The following RBL2 variants were observed in gnomAD, a reference collection of about 807,000 sequenced individuals.
RBL2 encodes the protein RB transcriptional corepressor like 2, also known as retinoblastoma-like protein 2.
In RBL2, 56 loss-of-function variants were observed where a neutral mutation model predicts 126.0. The observed-to-expected ratio is 0.44, with a 90% CI of 0.36 to 0.56. The LOEUF is 0.56. Among genes scored for constraint, RBL2 ranks in the 20% least tolerant of loss-of-function variants. The pLI, the probability that RBL2 is intolerant of heterozygous loss-of-function variation, is 0.00. For synonymous variants in RBL2, 454 were observed against 478.5 expected, an observed-to-expected ratio of 0.95 and a Z score of 0.67; for missense variants, 1,229 against 1,398.2, an observed-to-expected ratio of 0.88 and a Z score of 1.93.
At chr16:53,451,584 G>C in intron 4 of RBL2, 119 bp from the exon 5 acceptor site, 2 of 1,109,684 alleles carry the variant, frequency 1.8e-6, no homozygotes, top group Non-Finnish European at 2.6e-6. Context: ...AACACTTATT[G>C]TAATGAGTCA....
chr16:53,470,564 G>C lies in RBL2; in HGVS notation c.2427G>C (p.Gln809His). ...LQVPGQVAIQ[Q>H]ISPGGQQQKQ... ...TCCCTGGTCAAGTGGCCATTCAACAGATTTCCCCAGGTGGCCAACAGCAGA... is the reference window on the plus strand; with the variant it reads ...TCCCTGGTCAAGTGGCCATTCAACACATTTCCCCAGGTGGCCAACAGCAGA... The change falls in exon 16 of 22, where the codon CAG becomes CAC. Residue 809 changes from glutamine (Q) to histidine (H), a missense_variant. Coordinates refer to ENST00000262133, the MANE Select transcript of RBL2 (RefSeq NM_005611.4). 1.2e-6 allele frequency: 2 copies of C among 1,614,180 alleles called. No homozygotes were observed. Among genetic ancestry groups the C allele is most frequent in the Non-Finnish European group, 1.7e-6 (2 of 1,180,040 alleles).
At chr16:53,441,178 T>C (rs763483783) in intron 2 of RBL2, among the ~76,000 whole-genome samples, 17 of 152,204 alleles carry the variant, frequency 1.1e-4, no homozygotes, top group Non-Finnish European at 2.1e-4. Context: ...CAGGCTAGTC[T>C]CGAACTCCTG....
chr16:53,481,528 CTTTAG>C, intron 20 of RBL2, 138 bp from the exon 21 acceptor site: 3 of 741,700 alleles, frequency 4.0e-6, no homozygotes. Flanking sequence ...GAATATTTTT[CTTTAG>C]GTTAAGTTAT....
At chr16:53,486,465 T>C in intron 21 of RBL2, among the ~76,000 whole-genome samples, 1 of 152,346 alleles carries the variant, frequency 6.6e-6, no homozygotes, top group African/African-American at 2.4e-5. Context: ...TAGGCCCAGA[T>C]GGCTTCATTG....
chr16:53,462,601 A>G lies in RBL2; in HGVS notation c.1506A>G (p.Val502=), dbSNP rs2058232930. The G allele has an allele frequency of 6.4e-7, 1 of 1,573,336 alleles. No individual in the cohort carries two copies. The highest frequency in any genetic ancestry group is 8.6e-7 in the Non-Finnish European group (1 of 1,167,686). ...FRFAEMLYYK[V]LESVIEQEQK... is the part of the protein sequence containing the mutation. ...TTGCGGAGATGCTTTACTATAAAGT[A>G]TTAGAATCTGTTATTGAGCAGGAAC... The change falls in exon 11 of 22, where the codon GTA becomes GTG. Residue 502 remains valine (V), a synonymous_variant. Coordinates refer to ENST00000262133, the MANE Select transcript of RBL2 (RefSeq NM_005611.4).
intron 14 of RBL2, among the ~76,000 whole-genome samples, chr16:53,468,554 G>A (rs2058291840): frequency 6.6e-6 from 1 of 151,946 alleles, no homozygotes; most frequent in African/African-American, 2.4e-5. Flanking sequence ...CATTTTCTTT[G>A]TACTTACCAC....
rs1481596995 is a variant in RBL2, at chr16:53,451,787, T to C, written c.722T>C (p.Leu241Pro). 2 of 1,613,806 alleles carry C rather than the reference T, an allele frequency of 1.2e-6. No individual in the cohort carries two copies. The highest frequency in any genetic ancestry group is 1.7e-6 in the Non-Finnish European group (2 of 1,179,764). ...CALDLVYGNA[L>P]QCSNRKELVN... is the part of the protein sequence containing the mutation. ...TTGGACTTAGTTTATGGAAATGCAC[T>C]TCAGTGTTCTAATCGTAAAGAACTT... is the stretch of plus-strand genomic sequence containing the variant. The change falls in exon 5 of 22, where the codon CTT becomes CCT. Residue 241 changes from leucine (L) to proline (P), a missense_variant. Around this residue, in one of 2 missense-constraint regions of RBL2, gnomAD observed 1,070 missense variants for 1,274.3 expected, o/e 0.84. Transcript: ENST00000262133.
chr16:53,469,920 A>G lies in RBL2; in HGVS notation c.1980A>G (p.Ile660Met). 1 of 1,556,286 alleles carries G rather than the reference A, an allele frequency of 6.4e-7. No homozygotes were observed. The highest frequency in any genetic ancestry group is 8.7e-7 in the Non-Finnish European group (1 of 1,146,190). ...TTTGATTTGTTTTGACCCTAGGCAT[A>G]ACATCTCCAACCACATTATACGATA... ...RADTGGLGRSITSPTTLYDRY... is the reference protein window; with the variant it reads ...RADTGGLGRSMTSPTTLYDRY... Residue 660 changes from isoleucine to methionine, a missense_variant, in exon 15 of 22, where the codon ATA becomes ATG. By Grantham distance (10) the Ile-to-Met change is conservative. Coordinates refer to ENST00000262133, the MANE Select transcript of RBL2 (RefSeq NM_005611.4).
At chr16:53,472,985 C>T (rs1398661738) in intron 17 of RBL2, among the ~76,000 whole-genome samples, 1 of 152,102 alleles carries the variant, frequency 6.6e-6, no homozygotes, top group Non-Finnish European at 1.5e-5. Context: ...CCTTGGTACC[C>T]TCCTTTAAAA....
At position 53,442,037 on chromosome 16, in the gene RBL2, G is replaced by T. The variant is rs541156482; in HGVS notation, c.372-621G>T. ...GGGTTTTACCATGTTGGCCATGCTG[G>T]TTTCAAACTCCTGACCTTGTGAATC... On this transcript the variant is annotated intron_variant, in intron 2 of 21. Coordinates refer to ENST00000262133, the MANE Select transcript of RBL2 (RefSeq NM_005611.4). Among the ~76,000 whole-genome samples, 8 of 152,144 alleles carry T rather than the reference G, an allele frequency of 5.3e-5. No individual in the cohort carries two copies. The South Asian group carries it at 1.7e-3, about 32-fold the overall frequency.
chr16:53,434,619 G>T lies in RBL2; in HGVS notation c.63G>T (p.Ser21=). 1 of 1,555,368 alleles carries T rather than the reference G, an allele frequency of 6.4e-7. No individual in the cohort carries two copies. The highest frequency in any genetic ancestry group is 8.6e-7 in the Non-Finnish European group (1 of 1,159,720). The change falls in exon 1 of 22, where the codon TCG becomes TCT. Residue 21 remains serine (S), a synonymous_variant. Coordinates refer to ENST00000262133, the MANE Select transcript of RBL2 (RefSeq NM_005611.4). ...CTCCCCCTCCGGCGGCGGCAGCCTC[G>T]GATGAGGAGGAGGAGGACGACGGCG... The part of the protein sequence containing the change: ...PPPPPPAAAA[S]DEEEEDDGEA...
chr16:53,480,855 G>C, intron 20 of RBL2, 86 bp downstream of exon 20: 3 of 1,353,464 alleles, frequency 2.2e-6, no homozygotes, highest in Non-Finnish European at 3.1e-6. Flanking sequence ...CCATTCACCT[G>C]GTCCGTATAT....
At chr16:53,479,121 C>T (rs8043918) in intron 17 of RBL2, 33 bp from the exon 18 acceptor site, 703,328 of 1,546,302 alleles carry the variant, frequency 0.45, 165,704 homozygotes, top group African/African-American at 0.63. Context: ...TGGTAGTTGC[C>T]ATGTCTCTCA....
chr16:53,464,411 A>G lies in RBL2; in HGVS notation c.1698+48A>G, dbSNP rs753201261. On this transcript the variant is annotated intron_variant, in intron 12 of 21. Transcript: ENST00000262133. ...AATGGGGATATTGTAGATGAGACCAACTTCCTGTTGTTAGTCATTTAGTTC... is the reference window on the plus strand; with the variant it reads ...AATGGGGATATTGTAGATGAGACCAGCTTCCTGTTGTTAGTCATTTAGTTC... The G allele has an allele frequency of 5.6e-6, 8 of 1,439,158 alleles. 1 individual carries two copies. In the South Asian group the frequency reaches 1.0e-4, roughly 19 times the overall value. 89.1% of individuals were successfully genotyped at this position (1,439,158 alleles called of 1,614,324 possible).
intron 17 of RBL2, among the ~76,000 whole-genome samples, chr16:53,474,270 C>T (rs1031882821): frequency 6.6e-6 from 1 of 151,854 alleles, no homozygotes; most frequent in African/African-American, 2.4e-5. Context: ...GGATTATAGG[C>T]GTGAGCCACT....
At chr16:53,480,805 C>G (rs1284325195) in intron 20 of RBL2, 36 bp downstream of exon 20, 10 of 1,570,502 alleles carry the variant, frequency 6.4e-6, no homozygotes, top group Non-Finnish European at 4.4e-6. Context: ...ACTTTTTTCA[C>G]TCATGAGTGT....
At chr16:53,480,502 T>A in intron 19 of RBL2, 65 bp from the exon 20 acceptor site, 1 of 1,414,722 alleles carries the variant, frequency 7.1e-7, no homozygotes, top group Non-Finnish European at 9.7e-7. Context: ...CTCCTACTTT[T>A]AAAAAATTAA....
At chr16:53,479,544 A>C in intron 18 of RBL2, 1 of 461,760 alleles carries the variant, frequency 2.2e-6, no homozygotes. Flanking sequence ...AACCAACAGA[A>C]TGTCACATGG....
chr16:53,461,556 A>G (rs1037922135), intron 9 of RBL2, among the ~76,000 whole-genome samples, 185 bp from the exon 10 acceptor site: 1 of 149,364 alleles, frequency 6.7e-6, no homozygotes, highest in Non-Finnish European at 1.5e-5. Flanking sequence ...TTTTTTTTTC[A>G]TTCAAACTGG....
Sources: allele counts gnomAD v4.1 joint callset (sites outside exome capture counted in the v4.1 genomes callset), GRCh38; gene constraint gnomAD v4.1.1; regional missense constraint gnomAD v4.1.1; transcripts MANE v1.5; gene names NCBI Gene and HGNC (gene_info 2026-07-23, HGNC 2026-07-21).